MYO3B: variants seen among roughly 807,000 people sequenced by gnomAD.
MYO3B encodes the protein myosin IIIB.
A neutral mutation model predicts 174.6 loss-of-function variants in MYO3B; 156 were observed. The ratio of observed to expected loss-of-function variants is 0.89; its 90% confidence interval spans 0.78 to 1.02. The LOEUF (loss-of-function observed/expected upper bound fraction) is 1.02. Ranked by LOEUF, MYO3B falls within the 50% of genes least tolerant of loss-of-function variation. MYO3B has a pLI of 0.00. For synonymous variants in MYO3B, 563 were observed against 569.1 expected (o/e 0.99, Z 0.15); for missense variants, 1,632 against 1,639.4 (o/e 1.00, Z 0.08).
intron 25 of MYO3B, among the ~76,000 whole-genome samples, chr2:170,491,173 G>A (rs536919985): frequency 6.6e-6 from 1 of 152,180 alleles, no homozygotes; most frequent in South Asian, 2.1e-4. Context: ...ATTCTTTCCT[G>A]ATAAGTTTTT....
chr2:170,422,998 T>TTTTTG (rs2094629524), intron 22 of MYO3B, among the ~76,000 whole-genome samples: 1 of 146,486 alleles, frequency 6.8e-6, no homozygotes, highest in African/African-American at 2.5e-5. Context: ...TTTTTTTTTT[T>TTTTTG]GAGACAGAGT....
intron 23 of MYO3B, among the ~76,000 whole-genome samples, chr2:170,449,502 A>C (rs1406815098): frequency 6.6e-6 from 1 of 152,126 alleles, no homozygotes; most frequent in Non-Finnish European, 1.5e-5. Context: ...TCTTGGCTGA[A>C]CACAGTGGCT....
intron 30 of MYO3B, among the ~76,000 whole-genome samples, chr2:170,539,450 G>A (rs116649767): frequency 0.011 from 1,624 of 152,168 alleles, 28 homozygotes; most frequent in African/African-American, 0.036. Context: ...ATTGAGCACC[G>A]GATTAAAATA....
chr2:170,546,181 G>C (rs529848914), intron 32 of MYO3B, among the ~76,000 whole-genome samples: 3 of 152,000 alleles, frequency 2.0e-5, no homozygotes, highest in African/African-American at 7.2e-5. Context: ...GTCCACAATG[G>C]CTCCCTACTC....
At chr2:170,421,146 C>T (rs1370957265) in intron 22 of MYO3B, among the ~76,000 whole-genome samples, 1 of 152,128 alleles carries the variant, frequency 6.6e-6, no homozygotes, top group East Asian at 1.9e-4. Flanking sequence ...GTGCTGGGAA[C>T]ACTTTGAAAG....
intron 3 of MYO3B, among the ~76,000 whole-genome samples, chr2:170,212,551 A>C (rs1029220102): frequency 5.3e-5 from 8 of 152,204 alleles, no homozygotes; most frequent in Non-Finnish European, 1.2e-4. Flanking sequence ...AGTTCCACCA[A>C]AACGGGGTTT....
intron 9 of MYO3B, among the ~76,000 whole-genome samples, chr2:170,371,690 GA>G (rs35716471): frequency 0.35 from 49,954 of 142,434 alleles, 9,547 homozygotes; most frequent in African/African-American, 0.54. Context: ...AGTTAAAGCA[GA>G]AAAAAAAAAA....
At chr2:170,452,196 T>TAA (rs879449957) in intron 23 of MYO3B, among the ~76,000 whole-genome samples, 62 of 141,858 alleles carry the variant, frequency 4.4e-4, no homozygotes, top group African/African-American at 1.4e-3. Flanking sequence ...CCCCCAAAAG[T>TAA]AAAAAAAAAA....
intron 7 of MYO3B, among the ~76,000 whole-genome samples, chr2:170,307,981 T>C (rs1387589548): frequency 6.6e-6 from 1 of 152,164 alleles, no homozygotes; most frequent in Non-Finnish European, 1.5e-5. Flanking sequence ...GGCAAGACCC[T>C]TTGTGCAACA....
At chr2:170,524,457 G>A (rs907808365) in intron 30 of MYO3B, 5 of 421,992 alleles carry the variant, frequency 1.2e-5, no homozygotes, top group Non-Finnish European at 2.3e-5. Context: ...TGGTTCATTA[G>A]CAATTTCCTG....
rs952324926 is a variant in MYO3B, at chr2:170,273,862, G to C, written c.749+37726G>C. Among the ~76,000 whole-genome samples, 5 of 152,140 alleles carry C rather than the reference G, an allele frequency of 3.3e-5. No individual in the cohort carries two copies. In the South Asian group the frequency reaches 1.0e-3, roughly 32 times the overall value. The stretch of plus-strand genomic sequence containing the variant: ...AAGGACCGCAATTCCCTAGCCCCTG[G>C]CTATTAATGAGAGGCCTGGAGACCC... On this transcript the variant is annotated intron_variant, in intron 7 of 34. Coordinates refer to ENST00000408978, the MANE Select transcript of MYO3B (RefSeq NM_138995.5).
intron 23 of MYO3B, among the ~76,000 whole-genome samples, chr2:170,460,487 CAAAAAAAA>C (rs36000141): frequency 1.4e-5 from 1 of 73,682 alleles, no homozygotes. Context: ...GACTCCGTCT[CAAAAAAAA>C]AAAAAAAAAA....
At chr2:170,367,344 A>G (rs1323980737) in intron 8 of MYO3B, among the ~76,000 whole-genome samples, 2 of 152,216 alleles carry the variant, frequency 1.3e-5, no homozygotes, top group East Asian at 1.9e-4. Context: ...ATACTTCAAT[A>G]CTGATATGCC....
At chr2:170,284,695 A>G (rs558568346) in intron 7 of MYO3B, among the ~76,000 whole-genome samples, 1 of 152,024 alleles carries the variant, frequency 6.6e-6, no homozygotes, top group South Asian at 2.1e-4. Flanking sequence ...AAATAGTATG[A>G]CCTCCCACAT....
chr2:170,543,737 A>G (rs561318135), intron 31 of MYO3B, among the ~76,000 whole-genome samples, 155 bp from the exon 32 acceptor site: 7 of 152,342 alleles, frequency 4.6e-5, no homozygotes, highest in Non-Finnish European at 2.9e-5. Context: ...ATTCAATTCT[A>G]TGTAAGATGG....
At chr2:170,213,665 G>A (rs1820292) in intron 3 of MYO3B, among the ~76,000 whole-genome samples, 140,753 of 152,206 alleles carry the variant, frequency 0.92, 65,107 homozygotes, top group East Asian at 1. Flanking sequence ...TGCTTTATGT[G>A]CTCAAACTTC....
chr2:170,227,860 C>T (rs951761659), intron 6 of MYO3B, among the ~76,000 whole-genome samples: 4 of 152,172 alleles, frequency 2.6e-5, no homozygotes, highest in Non-Finnish European at 4.4e-5. Flanking sequence ...GTTCTATCCC[C>T]TACTAGCTGT....
intron 15 of MYO3B, 85 bp downstream of exon 15, chr2:170,391,703 C>T (rs1462369345): frequency 5.1e-6 from 4 of 787,508 alleles, no homozygotes; most frequent in Admixed American, 5.8e-5. Flanking sequence ...GAGCTGTTTT[C>T]CTAACTGGAA....
At chr2:170,488,442 A>T (rs948246972) in intron 25 of MYO3B, among the ~76,000 whole-genome samples, 1 of 152,198 alleles carries the variant, frequency 6.6e-6, no homozygotes, top group African/African-American at 2.4e-5. Flanking sequence ...TCTATAGCGT[A>T]GATTTTTGTA....
Sources: allele counts gnomAD v4.1 joint callset (sites outside exome capture counted in the v4.1 genomes callset), GRCh38; gene constraint gnomAD v4.1.1; transcripts MANE v1.5; gene names NCBI Gene and HGNC (gene_info 2026-07-23, HGNC 2026-07-21).